CLCN5: variants seen among roughly 807,000 people sequenced by gnomAD.
The protein encoded by CLCN5 is H(+)/Cl(-) exchange transporter 5.
A neutral mutation model predicts 54.0 loss-of-function variants in CLCN5; 17 were observed. The observed-to-expected ratio is 0.31, with a 90% confidence interval of 0.22 to 0.47. The LOEUF (loss-of-function observed/expected upper bound fraction) is 0.47. CLCN5 is among the 20% of genes least tolerant of loss of function. The probability of loss-of-function intolerance (pLI) is 1.00; values close to 1 mark genes in which losing one functional copy is unlikely to be tolerated. For synonymous variants in CLCN5, 222 were observed against 233.0 expected (o/e 0.95, Z 0.43); for missense variants, 448 against 646.7 (o/e 0.69, Z 3.33).
chrX:50,044,881 A>G (rs1932343930), intron 4 of CLCN5, among the ~76,000 whole-genome samples: 2 of 111,100 alleles, frequency 1.8e-5, no homozygotes, highest in Non-Finnish European at 3.8e-5. Context: ...TTCATTCAAC[A>G]AATAGTTTTA....
At chrX:50,054,627 A>G (rs1159174785) in intron 4 of CLCN5, 3 of 110,705 alleles carry the variant, frequency 2.7e-5, no homozygotes, top group Non-Finnish European at 5.7e-5. Flanking sequence ...AGCCATTTCT[A>G]CTCCAGGTAA....
intron 4 of CLCN5, among the ~76,000 whole-genome samples, chrX:50,063,342 A>C (rs12009477): frequency 0.057 from 5,662 of 98,960 alleles, 775 homozygotes; most frequent in African/African-American, 0.24. Context: ...CACTGATCCC[A>C]CAGAAATACA....
chrX:49,936,552 G>C (rs1008864493), intron 3 of CLCN5, among the ~76,000 whole-genome samples: 1 of 111,827 alleles, frequency 8.9e-6, no homozygotes, highest in Admixed American at 9.5e-5. Context: ...ATGGCACTTG[G>C]TTTTCTAGAC....
chrX:50,076,652 G>A (rs1394871298), intron 7 of CLCN5, among the ~76,000 whole-genome samples: 2 of 110,934 alleles, frequency 1.8e-5, no homozygotes, highest in Non-Finnish European at 3.8e-5. Context: ...GTCCTCCTCA[G>A]GAGTAGCTGG....
chrX:50,086,700 G>A lies in CLCN5; in HGVS notation c.1387G>A (p.Gly463Ser). Residue 463 changes from glycine to serine, a missense_variant, in exon 11 of 15, where the codon GGC becomes AGC. Coordinates refer to ENST00000376091, the MANE Select transcript of CLCN5 (RefSeq NM_001127898.4). Reference sequence around the variant, plus strand: ...CATTTCTGAGCTGTTTAATGACTGTGGCCTTCTGGACTCCTCCAAGCTCTG... The same window carrying A: ...CATTTCTGAGCTGTTTAATGACTGTAGCCTTCTGGACTCCTCCAAGCTCTG... ...ELISELFNDC[G>S]LLDSSKLCDY... The A allele has an allele frequency of 2.5e-6, 3 of 1,210,964 alleles. No homozygotes were observed. The highest frequency in any genetic ancestry group is 3.4e-6 in the Non-Finnish European group (3 of 895,410).
chrX:50,004,407 A>C (rs1041831455), intron 3 of CLCN5, among the ~76,000 whole-genome samples: 1 of 111,197 alleles, frequency 9.0e-6, no homozygotes, highest in African/African-American at 3.3e-5. Flanking sequence ...TAGTTACAGC[A>C]TAGATGGTGG....
chrX:50,073,952 C>T (rs929734433), intron 6 of CLCN5, among the ~76,000 whole-genome samples: 4 of 111,568 alleles, frequency 3.6e-5, no homozygotes, highest in Non-Finnish European at 7.5e-5. Flanking sequence ...CCCCTTCTGG[C>T]TCTTACAGGA....
At chrX:50,015,918 CCTT>C (rs1334720302) in intron 3 of CLCN5, among the ~76,000 whole-genome samples, 1 of 111,559 alleles carries the variant, frequency 9.0e-6, no homozygotes, top group Non-Finnish European at 1.9e-5. Context: ...GATCCTTGGT[CCTT>C]CTTCTCTCCC....
chrX:50,011,304 A>T (rs1181366398), intron 3 of CLCN5, among the ~76,000 whole-genome samples: 1 of 112,327 alleles, frequency 8.9e-6, no homozygotes, highest in Non-Finnish European at 1.9e-5. Context: ...TATTATGTTC[A>T]TCACCAAGGA....
At chrX:50,009,554 G>T (rs1407917765) in intron 3 of CLCN5, among the ~76,000 whole-genome samples, 2 of 111,998 alleles carry the variant, frequency 1.8e-5, no homozygotes, top group African/African-American at 6.5e-5. Flanking sequence ...GTCTGAGAGG[G>T]CATGTCCATG....
At chrX:49,935,062 A>G (rs1557169425) in intron 3 of CLCN5, among the ~76,000 whole-genome samples, 1 of 111,915 alleles carries the variant, frequency 8.9e-6, no homozygotes, top group Non-Finnish European at 1.9e-5. Flanking sequence ...CTGTCAAGCT[A>G]TTCTTTTCCT....
At chrX:50,031,920 C>T (rs1931721391) in intron 3 of CLCN5, among the ~76,000 whole-genome samples, 1 of 87,390 alleles carries the variant, frequency 1.1e-5, no homozygotes, top group Admixed American at 1.5e-4. Flanking sequence ...CTTGCTGTGT[C>T]CATGTGTTCT....
chrX:50,056,514 T>C (rs1271040478), intron 4 of CLCN5, among the ~76,000 whole-genome samples: 1 of 111,678 alleles, frequency 9.0e-6, no homozygotes, highest in Admixed American at 9.6e-5. Context: ...CTTTACTTCA[T>C]TGCCACATTG....
chrX:50,042,493 A>G, intron 4 of CLCN5, 31 bp downstream of exon 4: 2 of 928,114 alleles, frequency 2.2e-6, no homozygotes, highest in Non-Finnish European at 2.8e-6. Context: ...AATTTATCTT[A>G]ATTTTTTAAA....
chrX:50,043,960 A>G (rs949595408), intron 4 of CLCN5, among the ~76,000 whole-genome samples: 52 of 111,807 alleles, frequency 4.7e-4, no homozygotes, highest in African/African-American at 1.6e-3. Context: ...CAGCAAATTC[A>G]TATTAAGTAC....
At chrX:49,935,639 T>C (rs1223352257) in intron 3 of CLCN5, among the ~76,000 whole-genome samples, 1 of 111,692 alleles carries the variant, frequency 9.0e-6, no homozygotes, top group Non-Finnish European at 1.9e-5. Flanking sequence ...AAGTGACAAG[T>C]TCATCTGAGA....
At chrX:49,991,012 T>C (rs1000455864) in intron 3 of CLCN5, among the ~76,000 whole-genome samples, 1 of 112,715 alleles carries the variant, frequency 8.9e-6, no homozygotes, top group African/African-American at 3.2e-5. Context: ...TGTACTGCTA[T>C]AACATGCGTG....
intron 3 of CLCN5, among the ~76,000 whole-genome samples, chrX:49,956,444 T>C (rs1264662004): frequency 8.9e-6 from 1 of 112,494 alleles, no homozygotes; most frequent in Non-Finnish European, 1.9e-5. Context: ...TTAAATCAGC[T>C]AATAAATGTA....
rs1557193811 is a variant in CLCN5, at chrX:50,086,013, G to C, written c.967G>C (p.Val323Leu). 1.7e-6 allele frequency: 2 copies of C among 1,210,383 alleles called. No homozygotes were observed. ...LSAAAAAGVS[V>L]AFGAPIGGVL... ...GGCTGCAGCAGCAGCTGGTGTATCT[G>C]TAGCCTTTGGAGCACCTATAGGTGG... The change falls in exon 10 of 15, where the codon GTA (valine) becomes CTA (leucine). Residue 323 changes from valine to leucine, a missense_variant. Physicochemically the swap from Val to Leu is conservative, Grantham distance 32 (BLOSUM62 1). Coordinates refer to ENST00000376091, the MANE Select transcript of CLCN5 (RefSeq NM_001127898.4).
Sources: gnomAD v4.1 joint callset for allele counts (sites outside exome capture counted in the v4.1 genomes callset) on GRCh38, gnomAD v4.1.1 for gene constraint, MANE v1.5 for transcripts, NCBI Gene and HGNC (gene_info 2026-07-23, HGNC 2026-07-21) for gene names.